Variants in PHF19 observed in about 807,000 individuals in gnomAD.
PHF19 encodes the protein polycomb like 3.
A neutral mutation model predicts 79.8 loss-of-function variants in PHF19; 21 were observed. That is an observed-to-expected ratio of 0.26 (90% CI 0.19 to 0.38). The LOEUF is 0.38. Ranked by LOEUF, PHF19 falls within the 10% of genes least tolerant of loss-of-function variation. The pLI is 1.00. For synonymous variants in PHF19, 273 were observed against 296.3 expected (o/e 0.92, Z 0.81); for missense variants, 445 against 744.2 (o/e 0.60, Z 4.68).
At position 120,869,788 on chromosome 9, in the gene PHF19, G is replaced by A. The variant is rs1325563318; in HGVS notation, c.465+57C>T. ...TCAGACTCTGTGATGGGAGTCTCTG[G>A]TCTGCCCCACTGGAGGAGGCAGGAG... On this transcript the variant is annotated intron_variant, in intron 5 of 14. Transcript: ENST00000373896. The surrounding 1 kb of genome is among the most constrained non-coding windows in gnomAD (Gnocchi z 5.8). 1 of 1,609,770 alleles carries A rather than the reference G, an allele frequency of 6.2e-7. No individual in the cohort carries two copies. Among genetic ancestry groups the A allele is most frequent in the Non-Finnish European group, 8.5e-7 (1 of 1,178,340 alleles).
At chr9:120,887,198 T>C (rs58342316) in intron 1 of PHF19, among the ~76,000 whole-genome samples, 8,905 of 152,092 alleles carry the variant, frequency 0.059, 762 homozygotes, top group African/African-American at 0.19. Context: ...CTCACATCTA[T>C]AATCCCAGCT....
In PHF19 at chr9:120,891,153, G is replaced by T. The variant is rs1050882363; in HGVS notation, c.42+3635C>A. The stretch of plus-strand genomic sequence containing the variant: ...GATTGAGCCCCCAGGGCTGGGTTAG[G>T]TATCCCTGCTCATGCCCCAGAGCGC... On this transcript the variant is annotated intron_variant, in intron 1 of 14. Transcript: ENST00000616568. The surrounding 1 kb of genome is among the most constrained non-coding windows in gnomAD (Gnocchi z 4.3). Among the ~76,000 whole-genome samples, 4 of 152,130 alleles carry T rather than the reference G, an allele frequency of 2.6e-5. No individual in the cohort carries two copies. The highest frequency in any genetic ancestry group is 5.9e-5 in the Non-Finnish European group (4 of 68,022).
At chr9:120,873,898 GA>G (rs2045974681) in intron 3 of PHF19, 80 bp downstream of exon 3, 3 of 750,226 alleles carry the variant, frequency 4.0e-6, no homozygotes, top group Non-Finnish European at 7.1e-6. Flanking sequence ...GAGATGGAAG[GA>G]CAGAAGGAAG....
intron 3 of PHF19, among the ~76,000 whole-genome samples, chr9:120,872,059 A>AG (rs2045917513): frequency 6.7e-6 from 1 of 149,014 alleles, no homozygotes; most frequent in East Asian, 1.9e-4. Flanking sequence ...AAAAAAAAAA[A>AG]AAAAAAAAAG....
Position 120,862,485 on chromosome 9 carries a change from T to A in PHF19, c.1130+103A>T. ...CAGCCACTATCTAGCCCTCTCAGGG[T>A]CCTACAGCTGGGACTGGCTGGGTGC... On this transcript the variant is annotated intron_variant, in intron 11 of 14. Coordinates refer to ENST00000373896, the MANE Select transcript of PHF19 (RefSeq NM_015651.3). The surrounding 1 kb of genome is among the most constrained non-coding windows in gnomAD (Gnocchi z 4.6). 1 of 970,834 alleles carries A rather than the reference T, an allele frequency of 1.0e-6. No individual in the cohort carries two copies. The highest frequency in any genetic ancestry group is 2.4e-5 in the East Asian group (1 of 41,628). The allele number at this position is 970,834 out of a possible 1,614,324, so 60.1% of individuals were successfully genotyped here. A position where few individuals can be genotyped will look rare whatever the true frequency, so the allele number is the denominator to read the frequency against.
intron 1 of PHF19, among the ~76,000 whole-genome samples, chr9:120,882,898 T>C (rs2046208622): frequency 6.6e-6 from 1 of 150,624 alleles, no homozygotes; most frequent in East Asian, 1.9e-4. Flanking sequence ...TTTTCACAAA[T>C]ATGAATAATT....
chr9:120,875,666 T>G (rs2046025824), intron 1 of PHF19, among the ~76,000 whole-genome samples: 1 of 152,188 alleles, frequency 6.6e-6, no homozygotes. Context: ...CAATAACAGT[T>G]TCCTGGGCCT....
intron 1 of PHF19, among the ~76,000 whole-genome samples, chr9:120,886,367 G>C (rs1317068265): frequency 6.6e-6 from 1 of 152,242 alleles, no homozygotes; most frequent in African/African-American, 2.4e-5. Context: ...GGCTGGTGTG[G>C]TGGCAAGTAG....
Position 120,869,364 on chromosome 9 carries a change from G to C in PHF19, c.466-34C>G, listed in dbSNP as rs3753029. ...AGACGAGGGCCCCAGTCAACCACCA[G>C]GTCCGGGTGGACCACGCGAGTCAGC... On this transcript the variant is annotated intron_variant, in intron 5 of 14. Transcript: ENST00000373896. This position sits in a 1 kb window ranked among gnomAD's most constrained non-coding sequence, Gnocchi z 5.8. 0.6 allele frequency: 954,265 copies of C among 1,600,280 alleles called. 293,658 individuals are homozygous for C. Among genetic ancestry groups the C allele is most frequent in the South Asian group, 0.78 (69,778 of 89,502 alleles).
chr9:120,871,165 A>G (rs1452985977), intron 3 of PHF19, among the ~76,000 whole-genome samples: 1 of 152,214 alleles, frequency 6.6e-6, no homozygotes, highest in Non-Finnish European at 1.5e-5. Flanking sequence ...GGCCTCTCAA[A>G]GTTCTGGGAT....
At chr9:120,861,323 G>C in intron 12 of PHF19, 149 bp from the exon 13 acceptor site, 1 of 674,002 alleles carries the variant, frequency 1.5e-6, no homozygotes, top group Non-Finnish European at 2.7e-6. Context: ...CCTGACCAGG[G>C]AGCCAAAGTC....
At chr9:120,881,305 G>T (rs1040552927), upstream of PHF19, among the ~76,000 whole-genome samples, 2 of 151,652 alleles carry the variant, frequency 1.3e-5, no homozygotes, top group African/African-American at 4.8e-5. Context: ...CCACCACCAC[G>T]CCCCGCTGAT....
chr9:120,870,528 T>C lies in PHF19; in HGVS notation c.279A>G (p.Pro93=). Residue 93 remains proline (P), a synonymous_variant, in exon 4 of 15, where the codon CCA becomes CCG. Transcript: ENST00000373896. The surrounding 1 kb of genome is among the most constrained non-coding windows in gnomAD (Gnocchi z 4.4). ...AGATGTTGCACTTGGGCTCCTCTCC[T>C]GGAACACCGGCTGAAAGAGAGGGCC... ...LWKDIQHAGV[P]GEEPKCNICL... 6.2e-7 allele frequency: 1 copy of C among 1,607,698 alleles called. No homozygotes were observed. The highest frequency in any genetic ancestry group is 8.5e-7 in the Non-Finnish European group (1 of 1,174,084).
the PHF19 span, among the ~76,000 whole-genome samples, chr9:120,902,216 T>C: frequency 5.3e-5 from 8 of 152,108 alleles, no homozygotes; most frequent in African/African-American, 1.9e-4. Flanking sequence ...TGCTCAGGCT[T>C]TATCACTTAC....
At chr9:120,876,587 G>C (rs914110952) in intron 1 of PHF19, among the ~76,000 whole-genome samples, 1 of 151,760 alleles carries the variant, frequency 6.6e-6, no homozygotes, top group Non-Finnish European at 1.5e-5. Context: ...CACCGGGAGC[G>C]CGGGGCCGGG....
Position 120,874,488 on chromosome 9 carries a change from C to G in PHF19, c.186+68G>C, listed in dbSNP as rs1202035041. On this transcript the variant is annotated intron_variant, in intron 2 of 14. Coordinates refer to ENST00000373896, the MANE Select transcript of PHF19 (RefSeq NM_015651.3). This position sits in a 1 kb window ranked among gnomAD's most constrained non-coding sequence, Gnocchi z 4.5. ...GCAATCCCCCTGCCCCCTGGTCTGA[C>G]AGCCAGGCTGGAACATGAGCAGAGA... is the stretch of plus-strand genomic sequence containing the variant. The G allele has an allele frequency of 9.2e-7, 1 of 1,084,018 alleles. No homozygotes were observed. Among genetic ancestry groups the G allele is most frequent in the African/African-American group, 1.6e-5 (1 of 64,516 alleles). 67.1% of individuals were successfully genotyped at this position (1,084,018 alleles called of 1,614,324 possible). A position where few individuals can be genotyped will look rare whatever the true frequency, so the allele number is the denominator to read the frequency against.
upstream of PHF19, among the ~76,000 whole-genome samples, chr9:120,896,651 C>T (rs923249340): frequency 6.6e-6 from 1 of 151,884 alleles, no homozygotes; most frequent in African/African-American, 2.4e-5. Context: ...GACGGGGTTT[C>T]ACCGTGTTAG....
intron 1 of PHF19, among the ~76,000 whole-genome samples, chr9:120,884,394 GGT>G (rs999422063): frequency 7.1e-6 from 1 of 141,114 alleles, no homozygotes; most frequent in African/African-American, 2.7e-5. Context: ...CCCCAAGCTG[GGT>G]GTGTAGGAGA....
Position 120,869,116 on chromosome 9 carries a change from C to T in PHF19, c.614+66G>A, listed in dbSNP as rs896457481. On this transcript the variant is annotated intron_variant, in intron 6 of 14. Transcript: ENST00000373896. The surrounding 1 kb of genome is among the most constrained non-coding windows in gnomAD (Gnocchi z 5.8). ...ACACGCCAGGCTCGCTCCCTATGGGCGGTCCCTGCTGGCGATTCTTGGAGA... is the reference window on the plus strand; with the variant it reads ...ACACGCCAGGCTCGCTCCCTATGGGTGGTCCCTGCTGGCGATTCTTGGAGA... 7.0e-5 allele frequency: 105 copies of T among 1,499,192 alleles called. No individual in the cohort carries two copies. Among genetic ancestry groups the T allele is most frequent in the Non-Finnish European group, 9.3e-5 (104 of 1,114,314 alleles). 92.9% of individuals were successfully genotyped at this position (1,499,192 alleles called of 1,614,324 possible).
Sources: allele counts gnomAD v4.1 joint callset (sites outside exome capture counted in the v4.1 genomes callset), GRCh38; gene constraint gnomAD v4.1.1; non-coding constraint Gnocchi (gnomAD v3.1); transcripts MANE v1.5; gene names NCBI Gene and HGNC (gene_info 2026-07-23, HGNC 2026-07-21).